The following CDK14 variants were observed in gnomAD, a reference collection of about 807,000 sequenced individuals.
CDK14 encodes cyclin dependent kinase 14.
Under a neutral mutation model 60.7 loss-of-function variants are expected in CDK14, and 34 were observed. The observed-to-expected ratio is 0.56, with a 90% CI of 0.43 to 0.75. The LOEUF is 0.75. CDK14 is among the 30% of genes least tolerant of loss of function. The probability of loss-of-function intolerance (pLI) is 0.00; values close to 1 mark genes in which losing one functional copy is unlikely to be tolerated. For synonymous variants in CDK14, 197 were observed against 203.7 expected, an observed-to-expected ratio of 0.97 and a Z score of 0.28; for missense variants, 482 against 564.1, an observed-to-expected ratio of 0.85 and a Z score of 1.47.
intron 3 of CDK14, among the ~76,000 whole-genome samples, chr7:90,735,029 GT>G (rs926312991): frequency 2.6e-5 from 4 of 151,934 alleles, no homozygotes; most frequent in African/African-American, 9.7e-5. Context: ...TGTTGATGCT[GT>G]TCCTTTCTGT....
rs556220280 is a variant in CDK14 at position 90,879,977 on chromosome 7, C to T, written c.639+16708C>T. On this transcript the variant is annotated intron_variant, in intron 6 of 14. Coordinates refer to ENST00000380050, the MANE Select transcript of CDK14 (RefSeq NM_001287135.2). The stretch of plus-strand genomic sequence containing the variant: ...CTGTGCAACCCACCAATCGGAAGAT[C>T]CCACTTGTGAACCCATGCCACCAGG... 8.7e-4 allele frequency among the ~76,000 whole-genome samples: 132 copies of T among 152,308 alleles called. 1 individual carries two copies. Among genetic ancestry groups the T allele is most frequent in the Non-Finnish European group, 1.7e-3 (114 of 68,026 alleles).
chr7:90,716,202 G>A (rs1328703093), intron 2 of CDK14: 2 of 151,932 alleles, frequency 1.3e-5, no homozygotes, highest in African/African-American at 4.8e-5. Context: ...ATCAGAGTAG[G>A]ATTTAACTGG....
intron 14 of CDK14, among the ~76,000 whole-genome samples, chr7:91,173,961 C>G (rs1293131554): frequency 6.6e-6 from 1 of 152,214 alleles, no homozygotes; most frequent in Non-Finnish European, 1.5e-5. Flanking sequence ...CACCACAGCT[C>G]AAGGAGGCCT....
At chr7:90,929,146 A>G (rs1457026472) in intron 8 of CDK14, among the ~76,000 whole-genome samples, 1 of 152,156 alleles carries the variant, frequency 6.6e-6, no homozygotes, top group African/African-American at 2.4e-5. Flanking sequence ...TTTGCTAGGA[A>G]AGGGAATTCC....
intron 4 of CDK14, among the ~76,000 whole-genome samples, chr7:90,786,339 T>C (rs1164065617): frequency 6.6e-6 from 1 of 152,184 alleles, no homozygotes; most frequent in Middle Eastern, 3.2e-3. Context: ...TAGCCTTTGA[T>C]TTAATTAATA....
At chr7:91,203,332 C>A (rs541219590) in intron 14 of CDK14, among the ~76,000 whole-genome samples, 3 of 152,176 alleles carry the variant, frequency 2.0e-5, no homozygotes, top group African/African-American at 4.8e-5. Flanking sequence ...ACAATTTCCC[C>A]TTTATTCATT....
At chr7:90,908,087 C>G (rs982957632) in intron 7 of CDK14, among the ~76,000 whole-genome samples, 1 of 152,058 alleles carries the variant, frequency 6.6e-6, no homozygotes, top group Admixed American at 6.6e-5. Context: ...AAATTTGACA[C>G]CAAGTCTCAG....
chr7:91,197,615 T>A (rs1481251809), intron 14 of CDK14, among the ~76,000 whole-genome samples: 2 of 152,214 alleles, frequency 1.3e-5, no homozygotes, highest in African/African-American at 4.8e-5. Flanking sequence ...AAATCTATTA[T>A]CTTCCAAACA....
intron 10 of CDK14, among the ~76,000 whole-genome samples, chr7:91,015,345 G>T (rs1796268789): frequency 6.6e-6 from 1 of 151,964 alleles, no homozygotes; most frequent in African/African-American, 2.4e-5. Flanking sequence ...GCCCCAGGAT[G>T]CTCTTCCTTT....
chr7:90,944,719 A>C (rs887258083), intron 8 of CDK14, among the ~76,000 whole-genome samples: 2 of 152,206 alleles, frequency 1.3e-5, no homozygotes, highest in Non-Finnish European at 2.9e-5. Context: ...GTGACAGAGT[A>C]AGATCCTTTC....
At chr7:90,821,806 G>A (rs189387963) in intron 5 of CDK14, among the ~76,000 whole-genome samples, 22 of 152,238 alleles carry the variant, frequency 1.4e-4, no homozygotes, top group Admixed American at 1.2e-3. Context: ...GCCTGTCACT[G>A]AACCCAATTT....
At chr7:90,628,375 C>A (rs945659012) in intron 2 of CDK14, among the ~76,000 whole-genome samples, 2 of 152,180 alleles carry the variant, frequency 1.3e-5, no homozygotes, top group African/African-American at 4.8e-5. Flanking sequence ...TTCCAGGACT[C>A]CTCAATCACT....
rs79211341 is a variant in CDK14 at position 91,102,975 on chromosome 7, C to T, written c.1155-9567C>T. Among the ~76,000 whole-genome samples, 873 of 152,202 alleles carry T rather than the reference C, an allele frequency of 5.7e-3. 6 individuals carry two copies. The highest frequency in any genetic ancestry group is 0.01 in the Non-Finnish European group (696 of 68,004). On this transcript the variant is annotated intron_variant, in intron 12 of 14. Coordinates refer to ENST00000380050, the MANE Select transcript of CDK14 (RefSeq NM_001287135.2). ...TGTATTAGAAATGCTGCCTTCCGGC[C>T]GGGTGCGATAGTTCACACCTATAAT...
chr7:91,024,058 C>CCAT (rs1236375480), intron 10 of CDK14, among the ~76,000 whole-genome samples: 3 of 151,796 alleles, frequency 2.0e-5, no homozygotes, highest in African/African-American at 7.3e-5. Context: ...CAGGCATGAG[C>CCAT]CATCATACCC....
chr7:90,791,470 G>GA (rs1805828042), intron 5 of CDK14, among the ~76,000 whole-genome samples: 1 of 152,134 alleles, frequency 6.6e-6, no homozygotes, highest in South Asian at 2.1e-4. Flanking sequence ...TCCATAACAA[G>GA]ATAAATTGGT....
At chr7:91,161,330 T>A (rs575656129) in intron 14 of CDK14, among the ~76,000 whole-genome samples, 2 of 151,950 alleles carry the variant, frequency 1.3e-5, no homozygotes, top group African/African-American at 4.8e-5. Flanking sequence ...TTTCTTAGAG[T>A]GGGATGTAAA....
chr7:90,635,869 C>G (rs1185350711), intron 2 of CDK14, among the ~76,000 whole-genome samples: 2 of 151,742 alleles, frequency 1.3e-5, no homozygotes, highest in African/African-American at 4.9e-5. Flanking sequence ...AAGTTGGATT[C>G]CTAGATATTT....
intron 2 of CDK14, among the ~76,000 whole-genome samples, chr7:90,715,094 C>T (rs1167677233): frequency 6.6e-6 from 1 of 151,880 alleles, no homozygotes; most frequent in African/African-American, 2.4e-5. Flanking sequence ...GTTATTGCAC[C>T]TTCTGGATGC....
At chr7:90,928,344 C>A (rs948994098) in intron 8 of CDK14, among the ~76,000 whole-genome samples, 13 of 152,188 alleles carry the variant, frequency 8.5e-5, no homozygotes, top group African/African-American at 2.9e-4. Flanking sequence ...TTCTCCCCAT[C>A]TGTGTGGTTT....
Sources: allele counts gnomAD v4.1 joint callset (sites outside exome capture counted in the v4.1 genomes callset), GRCh38; gene constraint gnomAD v4.1.1; transcripts MANE v1.5; gene names NCBI Gene and HGNC (gene_info 2026-07-23, HGNC 2026-07-21).